The following PVT1 variants were observed in gnomAD, a reference collection of about 807,000 sequenced individuals.
PVT1 encodes the protein CXCR4/PVT1 fusion.
At chr8:127,878,250 C>T (rs1360230244) in intron 2 of PVT1, among the ~76,000 whole-genome samples, 4 of 152,020 alleles carry the variant, frequency 2.6e-5, no homozygotes, top group Non-Finnish European at 5.9e-5. Flanking sequence ...GACTCTTCTT[C>T]GTCATTTCAG....
intron 3 of PVT1, among the ~76,000 whole-genome samples, chr8:127,895,843 ACTGCTTGTCAGTT>A (rs753916488): frequency 2.0e-5 from 3 of 152,230 alleles, no homozygotes; most frequent in Non-Finnish European, 4.4e-5. Context: ...ACAGCTCTGT[ACTGCTTGTCAGTT>A]CTGCCTTTGT....
chr8:127,902,608 C>T (rs952066966), intron 3 of PVT1, among the ~76,000 whole-genome samples: 1 of 151,946 alleles, frequency 6.6e-6, no homozygotes, highest in Non-Finnish European at 1.5e-5. Flanking sequence ...TCTAGTAGCC[C>T]TCAGCATCTA....
At chr8:127,919,750 C>A (rs1006624677) in intron 3 of PVT1, among the ~76,000 whole-genome samples, 3 of 152,214 alleles carry the variant, frequency 2.0e-5, no homozygotes, top group Non-Finnish European at 4.4e-5. Flanking sequence ...GTGCAGGTGT[C>A]CTGGGGACTC....
chr8:127,982,684 T>TA (rs11347261), intron 3 of PVT1, among the ~76,000 whole-genome samples: 1 of 137,444 alleles, frequency 7.3e-6, no homozygotes, highest in East Asian at 2.3e-4. Context: ...ATTAATAAAA[T>TA]AAATGAATCA....
intron 3 of PVT1, among the ~76,000 whole-genome samples, chr8:127,892,260 C>T (rs967198107): frequency 8.5e-5 from 13 of 152,206 alleles, no homozygotes; most frequent in East Asian, 7.7e-4. Flanking sequence ...ATTGTATATT[C>T]ATATGTGCAA....
chr8:128,014,312 C>G (rs1241732497), intron 4 of PVT1, among the ~76,000 whole-genome samples: 1 of 152,194 alleles, frequency 6.6e-6, no homozygotes, highest in Non-Finnish European at 1.5e-5. Flanking sequence ...TTTTGAGGGT[C>G]TCCCTCAATG....
intron 2 of PVT1, among the ~76,000 whole-genome samples, chr8:127,851,423 C>T (rs1563621594): frequency 1.3e-5 from 2 of 152,172 alleles, no homozygotes; most frequent in Admixed American, 6.5e-5. Flanking sequence ...CTTTGAGCCA[C>T]CCCCGCCCAT....
chr8:128,086,164 C>G (rs919326346), intron 5 of PVT1, among the ~76,000 whole-genome samples: 1 of 152,200 alleles, frequency 6.6e-6, no homozygotes, highest in Non-Finnish European at 1.5e-5. Context: ...ATAGTCCAAG[C>G]CCCATTTCTC....
intron 3 of PVT1, among the ~76,000 whole-genome samples, chr8:127,925,711 G>T (rs141872503): frequency 4.6e-5 from 7 of 151,902 alleles, no homozygotes; most frequent in Admixed American, 1.3e-4. Flanking sequence ...GTGCCATCTC[G>T]GCTCACCGCA....
intron 3 of PVT1, among the ~76,000 whole-genome samples, chr8:127,956,928 C>A (rs1460783530): frequency 6.6e-6 from 1 of 152,152 alleles, no homozygotes; most frequent in East Asian, 1.9e-4. Context: ...CTGTCATAGG[C>A]CTCATTATTA....
At chr8:127,812,232 C>CAGGA (rs1222087216) in intron 2 of PVT1, among the ~76,000 whole-genome samples, 30 of 130,096 alleles carry the variant, frequency 2.3e-4, no homozygotes, top group Middle Eastern at 4.3e-3. Flanking sequence ...GGCAGGAAGG[C>CAGGA]AGGAAGGAAG....
intron 2 of PVT1, among the ~76,000 whole-genome samples, chr8:127,799,027 T>C (rs1814431574): frequency 6.6e-6 from 1 of 152,142 alleles, no homozygotes; most frequent in Admixed American, 6.6e-5. Context: ...ACAAGACATA[T>C]ACATGATGTG....
At chr8:127,808,201 C>T (rs1482349382) in intron 2 of PVT1, among the ~76,000 whole-genome samples, 4 of 152,094 alleles carry the variant, frequency 2.6e-5, no homozygotes, top group East Asian at 3.9e-4. Flanking sequence ...GCACAACCCC[C>T]GTCTGGCTAA....
chr8:128,009,295 A>G (rs1464072017), intron 4 of PVT1, among the ~76,000 whole-genome samples: 2 of 152,266 alleles, frequency 1.3e-5, no homozygotes, highest in African/African-American at 4.8e-5. Context: ...CAGCTAAAAA[A>G]GCATCACATA....
At chr8:127,846,765 G>A (rs991396640) in intron 2 of PVT1, among the ~76,000 whole-genome samples, 1 of 150,360 alleles carries the variant, frequency 6.7e-6, no homozygotes, top group Non-Finnish European at 1.5e-5. Context: ...TCTGCCTTCC[G>A]GATTCAAGCG....
In PVT1 at chr8:127,866,799, G is replaced by T. The variant is rs570313761; in HGVS notation, n.373-23790G>T. On this transcript the variant is annotated intron_variant and non_coding_transcript_variant, in intron 2 of 10. Transcript: ENST00000651587. ...TATTAGTACACAGGGAAGATCTTGGGCTCCGAGACCTAGGCAGATCTTGCC... is the reference window on the plus strand; with the variant it reads ...TATTAGTACACAGGGAAGATCTTGGTCTCCGAGACCTAGGCAGATCTTGCC... Among the ~76,000 whole-genome samples the T allele has an allele frequency of 7.2e-5, 11 of 152,268 alleles. No homozygotes were observed. In the South Asian group the frequency reaches 2.1e-3, roughly 29 times the overall value.
intron 2 of PVT1, among the ~76,000 whole-genome samples, chr8:127,862,531 C>A (rs985837589): frequency 2.6e-5 from 4 of 152,164 alleles, no homozygotes; most frequent in African/African-American, 9.7e-5. Flanking sequence ...ACCTCCCAAG[C>A]TCAAGAGATT....
At chr8:128,093,513 C>T (rs574733876) in intron 5 of PVT1, among the ~76,000 whole-genome samples, 93 of 151,690 alleles carry the variant, frequency 6.1e-4, no homozygotes, top group Non-Finnish European at 1.2e-3. Context: ...ACTGAGATCG[C>T]GCCATTGCCC....
chr8:127,972,236 C>T (rs79839101), intron 3 of PVT1, among the ~76,000 whole-genome samples: 19 of 152,360 alleles, frequency 1.2e-4, no homozygotes, highest in African/African-American at 4.6e-4. Flanking sequence ...TGGTCAGGTG[C>T]TTCCCAGTGG....
Sources: gnomAD v4.1 joint callset for allele counts (sites outside exome capture counted in the v4.1 genomes callset) on GRCh38, gnomAD v4.1.1 for gene constraint, MANE v1.5 for transcripts, NCBI Gene and HGNC (gene_info 2026-07-23, HGNC 2026-07-21) for gene names.